KLHL4: variants seen among roughly 807,000 people sequenced by gnomAD.
KLHL4 encodes the protein kelch like family member 4, also known as kelch-like protein 4.
Under a neutral mutation model 45.8 loss-of-function variants are expected in KLHL4, and 17 were observed. The observed-to-expected ratio is 0.37, with a 90% CI of 0.25 to 0.56. The LOEUF (loss-of-function observed/expected upper bound fraction) is 0.56. Ranked by LOEUF, KLHL4 falls within the 20% of genes least tolerant of loss-of-function variation. The pLI, the probability that KLHL4 is intolerant of heterozygous loss-of-function variation, is 0.79. For missense variants in KLHL4, 544 were observed against 544.9 expected, an observed-to-expected ratio of 1.00 and a Z score of 0.02; for synonymous variants, 224 against 189.9, an observed-to-expected ratio of 1.18 and a Z score of -1.47.
intron 9 of KLHL4, among the ~76,000 whole-genome samples, chrX:87,639,886 A>C (rs1441940183): frequency 9.0e-6 from 1 of 111,242 alleles, no homozygotes; most frequent in African/African-American, 3.3e-5. Context: ...AAAAAAATAC[A>C]AAAGAGAAAA....
At chrX:87,617,524 G>T (rs1300228237) in intron 3 of KLHL4, among the ~76,000 whole-genome samples, 4 of 111,585 alleles carry the variant, frequency 3.6e-5, no homozygotes, top group Non-Finnish European at 7.5e-5. Context: ...GAGTCATAAT[G>T]AAAGTTTTTT....
intron 5 of KLHL4, among the ~76,000 whole-genome samples, chrX:87,624,476 T>C (rs886523822): frequency 4.5e-5 from 5 of 112,062 alleles, no homozygotes; most frequent in African/African-American, 1.6e-4. Context: ...TGGGCTCTCA[T>C]GAGGCAAGTC....
intron 1 of KLHL4, among the ~76,000 whole-genome samples, chrX:87,585,468 G>C (rs771867123): frequency 3.6e-5 from 4 of 111,248 alleles, no homozygotes; most frequent in African/African-American, 6.5e-5. Flanking sequence ...TGTTAAAGCA[G>C]GGGTAATAGC....
At chrX:87,642,699 G>GA (rs1288433170) in intron 9 of KLHL4, among the ~76,000 whole-genome samples, 35 of 112,125 alleles carry the variant, frequency 3.1e-4, no homozygotes, top group Admixed American at 2.5e-3. Context: ...ACAGCTTAAA[G>GA]AAAAAAACAA....
At chrX:87,622,506 A>AT (rs977527769) in intron 5 of KLHL4, 83 bp downstream of exon 5, 2 of 620,780 alleles carry the variant, frequency 3.2e-6, no homozygotes, top group Non-Finnish European at 2.4e-6. Context: ...GCCTAATTTT[A>AT]TTTTTTCAGA....
intron 2 of KLHL4, 31 bp downstream of exon 2, chrX:87,614,075 T>G: frequency 9.6e-7 from 1 of 1,043,817 alleles, no homozygotes; most frequent in Admixed American, 2.6e-5. Flanking sequence ...AGAATGGTTT[T>G]GAGTAGGGCA....
chrX:87,663,727 G>T (rs1328231217), intron 9 of KLHL4, among the ~76,000 whole-genome samples: 1 of 112,342 alleles, frequency 8.9e-6, no homozygotes, highest in Non-Finnish European at 1.9e-5. Flanking sequence ...TGAATTTAAA[G>T]TGATATGCTA....
At chrX:87,529,759 C>T (rs1239389785) in intron 1 of KLHL4, among the ~76,000 whole-genome samples, 1 of 111,586 alleles carries the variant, frequency 9.0e-6, no homozygotes, top group African/African-American at 3.3e-5. Context: ...TTTAAATTCC[C>T]TTTTTTGAAT....
intron 9 of KLHL4, among the ~76,000 whole-genome samples, chrX:87,647,311 A>G (rs1441554882): frequency 4.5e-5 from 5 of 111,971 alleles, no homozygotes; most frequent in African/African-American, 1.3e-4. Context: ...TACAACCACT[A>G]TGGAAAACAG....
intron 1 of KLHL4, among the ~76,000 whole-genome samples, chrX:87,568,387 TTTTC>T (rs1214898820): frequency 2.7e-4 from 11 of 41,132 alleles, no homozygotes; most frequent in East Asian, 1.9e-3. Flanking sequence ...TCTTTTCTTT[TTTTC>T]TTTTTTTTTT....
chrX:87,555,420 G>C (rs188138366), intron 1 of KLHL4, among the ~76,000 whole-genome samples: 8 of 111,216 alleles, frequency 7.2e-5, no homozygotes, highest in African/African-American at 9.8e-5. Context: ...TATTCAGAGA[G>C]TCAACTTCTT....
chrX:87,646,028 C>T (rs1197087740), intron 9 of KLHL4, among the ~76,000 whole-genome samples: 3 of 111,064 alleles, frequency 2.7e-5, no homozygotes, highest in Non-Finnish European at 5.7e-5. Flanking sequence ...CGAAATACCA[C>T]TTGTACTCCA....
At chrX:87,629,425 A>G (rs988685637) in intron 6 of KLHL4, among the ~76,000 whole-genome samples, 2 of 111,191 alleles carry the variant, frequency 1.8e-5, no homozygotes, top group African/African-American at 3.3e-5. Context: ...ATGTAGAACT[A>G]CTAGTCATAA....
intron 1 of KLHL4, among the ~76,000 whole-genome samples, chrX:87,601,803 C>T (rs1241055402): frequency 9.0e-6 from 1 of 111,211 alleles, no homozygotes; most frequent in Admixed American, 9.5e-5. Context: ...AGTTCATATG[C>T]TTTGGATTTT....
Position 87,518,205 on chromosome X carries a change from A to G in KLHL4, c.312A>G (p.Glu104=), listed in dbSNP as rs1569331834. The change falls in exon 1 of 11, where the codon GAA becomes GAG. Residue 104 remains glutamate (E), a synonymous_variant. Transcript: ENST00000373119. ...TGATAGTACATTTTCAAGCAAATGA[A>G]GATACTCCTAAATCAGTTCCAGAGA... The part of the protein sequence containing the change: ...HNLIVHFQAN[E]DTPKSVPEKN... The G allele has an allele frequency of 8.3e-7, 1 of 1,211,417 alleles. No homozygotes were observed.
Position 87,669,600 on chromosome X carries a change from G to GAAA in KLHL4, c.*3077_*3079dup. On this transcript the variant is annotated 3_prime_UTR_variant, in exon 11 of 11. Transcript: ENST00000373119. ...ACCTTGAGATCTTAGTCTAGGTAAA[G>GAAA]AAAAAAAAAAAAAGGTCATGAAACA... The GAAA allele has an allele frequency of 3.5e-5, 8 of 231,560 alleles. No homozygotes were observed. The highest frequency in any genetic ancestry group is 5.8e-5 in the Non-Finnish European group (8 of 137,703). The allele number at this position is 231,560 out of a possible 1,213,427, so 19.1% of individuals were successfully genotyped here.
At chrX:87,613,791 A>T in intron 1 of KLHL4, 86 bp from the exon 2 acceptor site, 1 of 643,876 alleles carries the variant, frequency 1.6e-6, no homozygotes, top group Non-Finnish European at 2.2e-6. Flanking sequence ...AATTTCCACT[A>T]CATGTTTGTA....
chrX:87,556,591 G>A (rs1287021326), intron 1 of KLHL4, among the ~76,000 whole-genome samples: 1 of 110,346 alleles, frequency 9.1e-6, no homozygotes, highest in African/African-American at 3.3e-5. Context: ...GAGTGAATGG[G>A]TGCAGCACAC....
chrX:87,660,888 G>A (rs1924166114), intron 9 of KLHL4, among the ~76,000 whole-genome samples: 1 of 112,071 alleles, frequency 8.9e-6, no homozygotes. Flanking sequence ...CTGCATCGGA[G>A]TGCGAAACTC....
Sources: gnomAD v4.1 joint callset for allele counts (sites outside exome capture counted in the v4.1 genomes callset) on GRCh38, gnomAD v4.1.1 for gene constraint, MANE v1.5 for transcripts, NCBI Gene and HGNC (gene_info 2026-07-23, HGNC 2026-07-21) for gene names.